The following NGF variants were observed in gnomAD, a reference collection of about 807,000 sequenced individuals.
The protein encoded by NGF is nerve growth factor, also known as beta-nerve growth factor.
A neutral mutation model predicts 12.8 loss-of-function variants in NGF; 4 were observed. That is an observed-to-expected ratio of 0.31 (90% CI 0.15 to 0.72). The LOEUF is 0.72. NGF is among the 30% of genes least tolerant of loss of function. NGF has a pLI of 0.69. For synonymous variants in NGF, 140 were observed against 130.0 expected, an observed-to-expected ratio of 1.08 and a Z score of -0.52; for missense variants, 283 against 330.8, an observed-to-expected ratio of 0.86 and a Z score of 1.12.
intron 1 of NGF, among the ~76,000 whole-genome samples, chr1:115,321,441 A>C (rs951902535): frequency 4.6e-5 from 7 of 152,138 alleles, no homozygotes; most frequent in Non-Finnish European, 8.8e-5. Context: ...TATTATAAAC[A>C]AAAGGACTGA....
At chr1:115,325,466 C>T (rs1654747367) in intron 1 of NGF, among the ~76,000 whole-genome samples, 1 of 152,032 alleles carries the variant, frequency 6.6e-6, no homozygotes, top group Admixed American at 6.6e-5. Context: ...CTCCACCACC[C>T]CCTTTATGAC....
intron 1 of NGF, among the ~76,000 whole-genome samples, chr1:115,306,787 G>A (rs988454027): frequency 2.0e-5 from 3 of 152,192 alleles, no homozygotes; most frequent in African/African-American, 7.2e-5. Context: ...GTATGATGGT[G>A]CAAATTAGAG....
At chr1:115,296,040 T>G (rs1439742491) in intron 1 of NGF, among the ~76,000 whole-genome samples, 1 of 152,030 alleles carries the variant, frequency 6.6e-6, no homozygotes, top group Non-Finnish European at 1.5e-5. Context: ...GAAAACACAG[T>G]GGAAGGAGAA....
At chr1:115,324,681 G>A (rs1654725527) in intron 1 of NGF, among the ~76,000 whole-genome samples, 3 of 152,174 alleles carry the variant, frequency 2.0e-5, no homozygotes, top group African/African-American at 7.2e-5. Context: ...TGCTTGAGAG[G>A]AAGCCCTTCT....
At chr1:115,288,480 T>C (rs1280217831) in intron 2 of NGF, among the ~76,000 whole-genome samples, 1 of 152,194 alleles carries the variant, frequency 6.6e-6, no homozygotes, top group African/African-American at 2.4e-5. Context: ...TCAAGGACTT[T>C]GTCTTTTGTG....
chr1:115,297,707 C>T (rs148813959), intron 1 of NGF, among the ~76,000 whole-genome samples: 52 of 152,362 alleles, frequency 3.4e-4, no homozygotes, highest in African/African-American at 1.3e-3. Context: ...TCCCTCCACA[C>T]TCAGAATTTG....
At chr1:115,288,192 CAT>C (rs1175073223) in intron 2 of NGF, among the ~76,000 whole-genome samples, 2 of 152,132 alleles carry the variant, frequency 1.3e-5, no homozygotes, top group Admixed American at 6.5e-5. Context: ...ATTGTATGTG[CAT>C]ATGTGTGTGT....
chr1:115,304,205 C>T (rs1037180511), intron 1 of NGF, among the ~76,000 whole-genome samples: 10 of 151,980 alleles, frequency 6.6e-5, no homozygotes, highest in African/African-American at 2.2e-4. Context: ...AGTTTTTGCC[C>T]AGGCTGTAGT....
At chr1:115,319,756 G>A (rs1162414871) in intron 1 of NGF, among the ~76,000 whole-genome samples, 4 of 152,098 alleles carry the variant, frequency 2.6e-5, no homozygotes, top group East Asian at 1.9e-4. Flanking sequence ...CCCAGCCCTC[G>A]TTCTTGTGCC....
intron 2 of NGF, among the ~76,000 whole-genome samples, chr1:115,290,287 C>T (rs913209708): frequency 6.6e-6 from 1 of 152,102 alleles, no homozygotes; most frequent in Non-Finnish European, 1.5e-5. Context: ...CTGCTCTCCA[C>T]CTCTGCTGGT....
At chr1:115,287,048 G>C (rs761103190) in intron 2 of NGF, among the ~76,000 whole-genome samples, 3 of 152,156 alleles carry the variant, frequency 2.0e-5, no homozygotes, top group Admixed American at 2.0e-4. Context: ...TCCAGGAAGT[G>C]ACAGAGCCCC....
chr1:115,304,997 CAA>C (rs1654160108), intron 1 of NGF, among the ~76,000 whole-genome samples: 1 of 152,044 alleles, frequency 6.6e-6, no homozygotes, highest in South Asian at 2.1e-4. Context: ...TAGAAATCCC[CAA>C]GAGTCCTCTT....
At chr1:115,336,678 T>A (rs1655117055) in intron 1 of NGF, among the ~76,000 whole-genome samples, 1 of 152,222 alleles carries the variant, frequency 6.6e-6, no homozygotes, top group Admixed American at 6.5e-5. Context: ...AGGAGGAAAC[T>A]GTAAACACAG....
At position 115,286,708 on chromosome 1, in the gene NGF, G is replaced by A; in HGVS notation, c.88C>T (p.His30Tyr). ...PHSESNVPAG[H>Y]TIPQAHWTKL... ...GTCCAGTGGGCTTGGGGGATGGTGT[G>A]TCCTGCAGGGACATTGCTCTCTGAG... The change falls in exon 3 of 3, where the codon CAC becomes TAC. Residue 30 changes from histidine to tyrosine, a missense_variant. His to Tyr is a moderately conservative substitution (Grantham distance 83). Transcript: ENST00000369512. 6.2e-7 allele frequency: 1 copy of A among 1,614,208 alleles called. No individual in the cohort carries two copies. The highest frequency in any genetic ancestry group is 8.5e-7 in the Non-Finnish European group (1 of 1,180,044).
chr1:115,301,552 A>G lies in NGF; in HGVS notation c.-136-7802T>C, dbSNP rs553434242. 6.6e-5 allele frequency among the ~76,000 whole-genome samples: 10 copies of G among 152,290 alleles called. No individual in the cohort carries two copies. In the South Asian group the frequency reaches 2.1e-3, roughly 32 times the overall value. ...GAAGAGAAAGTGATGCCTCCTGTTC[A>G]TCCCATGCCCCCATCTGGCCCTCTC... On this transcript the variant is annotated intron_variant, in intron 1 of 2. Coordinates refer to ENST00000369512, the MANE Select transcript of NGF (RefSeq NM_002506.3).
At chr1:115,328,734 G>A (rs552131213) in intron 1 of NGF, among the ~76,000 whole-genome samples, 13 of 152,268 alleles carry the variant, frequency 8.5e-5, no homozygotes, top group Admixed American at 3.3e-4. Context: ...GGACCAAAGC[G>A]TTTACCCCAG....
chr1:115,309,672 A>G (rs1045165270), intron 1 of NGF, among the ~76,000 whole-genome samples: 1 of 152,150 alleles, frequency 6.6e-6, no homozygotes, highest in African/African-American at 2.4e-5. Flanking sequence ...GAGAACATCA[A>G]TGACAGACTA....
intron 1 of NGF, among the ~76,000 whole-genome samples, chr1:115,318,873 C>A (rs527376808): frequency 6.6e-6 from 1 of 152,264 alleles, no homozygotes; most frequent in African/African-American, 2.4e-5. Context: ...CAATGCCACC[C>A]AAATCACTTC....
At chr1:115,334,582 G>A (rs1415878409) in intron 1 of NGF, among the ~76,000 whole-genome samples, 2 of 152,134 alleles carry the variant, frequency 1.3e-5, no homozygotes, top group Non-Finnish European at 2.9e-5. Flanking sequence ...ATGAAGCCCA[G>A]GAATTGACTT....
Sources: allele counts gnomAD v4.1 joint callset (sites outside exome capture counted in the v4.1 genomes callset), GRCh38; gene constraint gnomAD v4.1.1; transcripts MANE v1.5; gene names NCBI Gene and HGNC (gene_info 2026-07-23, HGNC 2026-07-21).